The following PTGDR variants were observed in gnomAD, a reference collection of about 807,000 sequenced individuals.
The protein encoded by PTGDR is PGD2 receptor.
A neutral mutation model predicts 17.4 loss-of-function variants in PTGDR; 19 were observed. The ratio of observed to expected loss-of-function variants is 1.09; its 90% CI spans 0.76 to 1.60. The LOEUF (loss-of-function observed/expected upper bound fraction) is 1.60, where lower values mean the gene tolerates loss of function less well. Ranked by LOEUF, PTGDR falls within the 40% of genes most tolerant of loss-of-function variation. The pLI is 0.00. For synonymous variants in PTGDR, 267 were observed against 224.2 expected, an observed-to-expected ratio of 1.19 and a Z score of -1.71; for missense variants, 526 against 481.9, an observed-to-expected ratio of 1.09 and a Z score of -0.86.
chr14:52,279,630 A>G (rs2033466200), downstream of PTGDR, among the ~76,000 whole-genome samples: 1 of 152,154 alleles, frequency 6.6e-6, no homozygotes, highest in African/African-American at 2.4e-5. Context: ...AGCCAAATTC[A>G]GTGGAATGAA....
At chr14:52,269,398 C>T in intron 1 of PTGDR, 2 of 1,391,900 alleles carry the variant, frequency 1.4e-6, no homozygotes, top group South Asian at 2.5e-5. Context: ...TCTCCGGTTT[C>T]AATTTGGTAA....
chr14:52,274,788 G>A lies in PTGDR; in HGVS notation c.904G>A (p.Glu302Lys), dbSNP rs1206938197. 1.9e-6 allele frequency: 3 copies of A among 1,613,824 alleles called. No individual in the cohort carries two copies. The highest frequency in any genetic ancestry group is 1.7e-6 in the Non-Finnish European group (2 of 1,179,810). ...CAAGGAGAAAAACAGGACCTCTGAA[G>A]AAGCAGAAGACCTCCGAGCCTTGCG... ...DVKEKNRTSEEAEDLRALRFL... is the reference protein window; with the variant it reads ...DVKEKNRTSEKAEDLRALRFL... Residue 302 changes from glutamate to lysine, a missense_variant, in exon 2 of 2, where the codon GAA becomes AAA. By Grantham distance (56) the Glu-to-Lys change is moderately conservative. Transcript: ENST00000306051.
At chr14:52,269,577 C>G in intron 1 of PTGDR, 1 of 1,450,190 alleles carries the variant, frequency 6.9e-7, no homozygotes, top group Non-Finnish European at 9.3e-7. Flanking sequence ...TACAGAAATT[C>G]CATTGCCAAT....
chr14:52,275,151 AC>A lies in PTGDR; in HGVS notation c.*191del. ...ATGTGTTACCATTCTATAGTCATGA[AC>A]CCCTTCAGTGCATTTTCATTTTTTT... On this transcript the variant is annotated 3_prime_UTR_variant, in exon 2 of 2. Coordinates refer to ENST00000306051, the MANE Select transcript of PTGDR (RefSeq NM_000953.3). The A allele has an allele frequency of 1.8e-6, 1 of 555,248 alleles. No individual in the cohort carries two copies. The highest frequency in any genetic ancestry group is 3.1e-6 in the Non-Finnish European group (1 of 319,562). The allele number at this position is 555,248 out of a possible 1,614,324, so 34.4% of individuals were successfully genotyped here.
In PTGDR at chr14:52,267,880, G is replaced by A. The variant is rs2033230928; in HGVS notation, c.66G>A (p.Met22Ile). 1.2e-6 allele frequency: 2 copies of A among 1,605,130 alleles called. No individual in the cohort carries two copies. Among genetic ancestry groups the A allele is most frequent in the Non-Finnish European group, 1.7e-6 (2 of 1,175,086 alleles). ...TGGAAAAAGGCAACTCGGCGGTGAT[G>A]GGCGGGGTGCTCTTCAGCACCGGCC... The part of the protein sequence containing the change: ...TSVEKGNSAV[M>I]GGVLFSTGLL... Residue 22 changes from methionine to isoleucine, a missense_variant, in exon 1 of 2, where the codon ATG becomes ATA. Met to Ile is a conservative substitution (Grantham distance 10, BLOSUM62 1). Coordinates refer to ENST00000306051, the MANE Select transcript of PTGDR (RefSeq NM_000953.3).
chr14:52,269,122 C>G (rs960663000), intron 1 of PTGDR, among the ~76,000 whole-genome samples: 1 of 152,126 alleles, frequency 6.6e-6, no homozygotes. Context: ...GCGTCTGGGA[C>G]GATCTTCTCC....
chr14:52,268,763 G>A, intron 1 of PTGDR, 103 bp downstream of exon 1: 1 of 1,272,390 alleles, frequency 7.9e-7, no homozygotes, highest in Non-Finnish European at 1.1e-6. Flanking sequence ...CGCCAGGCGA[G>A]CTGCGCCCTG....
At chr14:52,277,197 G>A (rs2033440737), downstream of PTGDR, among the ~76,000 whole-genome samples, 1 of 152,230 alleles carries the variant, frequency 6.6e-6, no homozygotes, top group Non-Finnish European at 1.5e-5. Context: ...CAACAGTTAG[G>A]ATACAGCATA....
In PTGDR at chr14:52,268,333, G is replaced by C. The variant is rs569171259; in HGVS notation, c.519G>C (p.Lys173Asn). Residue 173 changes from lysine to asparagine, a missense_variant, in exon 1 of 2, where the codon AAG (lysine) becomes AAC (asparagine). Physicochemically the swap from Lys to Asn is moderately conservative, Grantham distance 94 (BLOSUM62 0). Transcript: ENST00000306051. Reference protein sequence around the residue: ...FCALPFMGFGKFVQYCPGTWC... With the variant: ...FCALPFMGFGNFVQYCPGTWC... ...CGCTACCTTTCATGGGCTTCGGGAA[G>C]TTCGTGCAGTACTGCCCCGGCACCT... 3 of 1,613,754 alleles carry C rather than the reference G, an allele frequency of 1.9e-6. No homozygotes were observed. The highest frequency in any genetic ancestry group is 2.5e-6 in the Non-Finnish European group (3 of 1,180,040).
In PTGDR at chr14:52,275,011, A is replaced by C. The variant is rs1349889575; in HGVS notation, c.*47A>C. The C allele has an allele frequency of 1.5e-6, 2 of 1,347,026 alleles. No homozygotes were observed. The highest frequency in any genetic ancestry group is 2.0e-6 in the Non-Finnish European group (2 of 976,340). The allele number at this position is 1,347,026 out of a possible 1,614,324, so 83.4% of individuals were successfully genotyped here. ...AAGCTGAGGAATATGTCACATTTTCAGTCAAAGAACCATGATTAAAAAAAA... is the reference window on the plus strand; with the variant it reads ...AAGCTGAGGAATATGTCACATTTTCCGTCAAAGAACCATGATTAAAAAAAA... On this transcript the variant is annotated 3_prime_UTR_variant, in exon 2 of 2. Coordinates refer to ENST00000306051, the MANE Select transcript of PTGDR (RefSeq NM_000953.3).
chr14:52,280,596 C>G (rs1043452379), downstream of PTGDR, among the ~76,000 whole-genome samples: 1 of 152,220 alleles, frequency 6.6e-6, no homozygotes, highest in Non-Finnish European at 1.5e-5. Context: ...GAATGGATAG[C>G]TTTTCTCCAC....
chr14:52,275,844 A>G lies in PTGDR; in HGVS notation c.*880A>G, dbSNP rs201252177. The G allele has an allele frequency of 2.0e-5, 3 of 152,554 alleles. No homozygotes were observed. The highest frequency in any genetic ancestry group is 4.8e-5 in the African/African-American group (2 of 41,398). 9.5% of individuals were successfully genotyped at this position (152,554 alleles called of 1,614,324 possible). On this transcript the variant is annotated 3_prime_UTR_variant, in exon 2 of 2. Coordinates refer to ENST00000306051, the MANE Select transcript of PTGDR (RefSeq NM_000953.3). ...AAAACCAGTGTGTGACTCACTGTAG[A>G]GCCATGTTTACTGTTTGACTGTGTG...
At position 52,276,691 on chromosome 14, in the gene PTGDR, C is replaced by T. The variant is rs1379541709; in HGVS notation, c.*1727C>T. ...TAATTGTCCAGTTAATTTGAAAAGG[C>T]CCCAGATGAATCAATAAATATAATT... is the stretch of plus-strand genomic sequence containing the variant. On this transcript the variant is annotated 3_prime_UTR_variant, in exon 2 of 2. Coordinates refer to ENST00000306051, the MANE Select transcript of PTGDR (RefSeq NM_000953.3). 6 of 151,956 alleles carry T rather than the reference C, an allele frequency of 3.9e-5. No individual in the cohort carries two copies. The highest frequency in any genetic ancestry group is 8.8e-5 in the Non-Finnish European group (6 of 67,996). 9.4% of individuals were successfully genotyped at this position (151,956 alleles called of 1,614,324 possible).
Position 52,268,584 on chromosome 14 carries a change from C to T in PTGDR, c.770C>T (p.Pro257Leu), listed in dbSNP as rs200050784. The change falls in exon 1 of 2, where the codon CCC (proline) becomes CTC (leucine). Residue 257 changes from proline (P) to leucine (L), a missense_variant. Transcript: ENST00000306051. ...GACGGGAGGGAAGCGTCCCCTCAGC[C>T]CCTGGAGGAGCTGGATCACCTCCTG... is the stretch of plus-strand genomic sequence containing the variant. Reference protein sequence around the residue: ...RADGREASPQPLEELDHLLLL... With the variant: ...RADGREASPQLLEELDHLLLL... The T allele has an allele frequency of 6.8e-6, 11 of 1,611,854 alleles. No homozygotes were observed. Among genetic ancestry groups the T allele is most frequent in the Non-Finnish European group, 8.5e-6 (10 of 1,179,178 alleles).
Position 52,267,930 on chromosome 14 carries a change from G to A in PTGDR, c.116G>A (p.Gly39Glu), listed in dbSNP as rs1407155913. Residue 39 changes from glycine (G) to glutamate (E), a missense_variant, in exon 1 of 2, where the codon GGG becomes GAG. By Grantham distance (98) the Gly-to-Glu change is moderately conservative. Coordinates refer to ENST00000306051, the MANE Select transcript of PTGDR (RefSeq NM_000953.3). ...CTCCTGGGCAACCTGCTGGCCCTGG[G>A]GCTGCTGGCGCGCTCGGGGCTGGGG... ...TGLLGNLLALGLLARSGLGWC... is the reference protein window; with the variant it reads ...TGLLGNLLALELLARSGLGWC... 1.2e-6 allele frequency: 2 copies of A among 1,610,318 alleles called. No individual in the cohort carries two copies. Among genetic ancestry groups the A allele is most frequent in the East Asian group, 4.5e-5 (2 of 44,824 alleles).
chr14:52,277,005 G>T (rs2033437871), downstream of PTGDR, among the ~76,000 whole-genome samples: 1 of 152,182 alleles, frequency 6.6e-6, no homozygotes, highest in Non-Finnish European at 1.5e-5. Flanking sequence ...CCATCTGGAT[G>T]AAGTCTGTGT....
rs200739863 is a variant in PTGDR, at chr14:52,268,330, G to A, written c.516G>A (p.Gly172=). 1.7e-4 allele frequency: 279 copies of A among 1,613,794 alleles called. 3 individuals carry two copies. Among genetic ancestry groups the A allele is most frequent in the South Asian group, 1.6e-3 (143 of 91,090 alleles). The change falls in exon 1 of 2, where the codon GGG becomes GGA. Residue 172 remains glycine, a synonymous_variant. Transcript: ENST00000306051. ...GCGCGCTACCTTTCATGGGCTTCGG[G>A]AAGTTCGTGCAGTACTGCCCCGGCA... The part of the protein sequence containing the change: ...AFCALPFMGF[G]KFVQYCPGTW...
At chr14:52,274,637 T>C in intron 1 of PTGDR, 94 bp from the exon 2 acceptor site, 1 of 1,087,840 alleles carries the variant, frequency 9.2e-7, no homozygotes. Flanking sequence ...CAAGCTAAGC[T>C]GTCATGTTCT....
Position 52,267,715 on chromosome 14 carries a change from C to A in PTGDR, c.-100C>A. 7.0e-7 allele frequency: 1 copy of A among 1,435,270 alleles called. No individual in the cohort carries two copies. Among genetic ancestry groups the A allele is most frequent in the Non-Finnish European group, 9.1e-7 (1 of 1,101,388 alleles). 88.9% of individuals were successfully genotyped at this position (1,435,270 alleles called of 1,614,324 possible). A position where few individuals can be genotyped will look rare whatever the true frequency, so the allele number is the denominator to read the frequency against. Reference sequence around the variant, plus strand: ...CTTTTTCTGTGGCGCAGCTTCTCCGCCCGAGCCGCGCGCGGAGCTGCCGGG... The same window carrying A: ...CTTTTTCTGTGGCGCAGCTTCTCCGACCGAGCCGCGCGCGGAGCTGCCGGG... On this transcript the variant is annotated 5_prime_UTR_variant, in exon 1 of 2. Coordinates refer to ENST00000306051, the MANE Select transcript of PTGDR (RefSeq NM_000953.3).
Sources: gnomAD v4.1 joint callset for allele counts (sites outside exome capture counted in the v4.1 genomes callset) on GRCh38, gnomAD v4.1.1 for gene constraint, MANE v1.5 for transcripts, NCBI Gene and HGNC (gene_info 2026-07-23, HGNC 2026-07-21) for gene names.